The following BCL2L14 variants were observed in gnomAD, a reference collection of about 807,000 sequenced individuals.
BCL2L14 encodes the protein apoptosis facilitator Bcl-2-like protein 14.
Under a neutral mutation model 35.3 loss-of-function variants are expected in BCL2L14, and 27 were observed. The ratio of observed to expected loss-of-function variants is 0.76; its 90% CI spans 0.56 to 1.05. The LOEUF is 1.05. Among genes scored for constraint, BCL2L14 ranks in the 50% least tolerant of loss-of-function variants. The pLI, the probability that BCL2L14 is intolerant of heterozygous loss-of-function variation, is 0.00. For missense variants in BCL2L14, 377 were observed against 382.6 expected (o/e 0.99, Z 0.12); for synonymous variants, 139 against 145.9 (o/e 0.95, Z 0.34).
intron 2 of BCL2L14, among the ~76,000 whole-genome samples, chr12:12,083,298 A>G (rs962489035): frequency 1.3e-5 from 2 of 152,116 alleles, no homozygotes; most frequent in African/African-American, 4.8e-5. Flanking sequence ...GTCACTATGT[A>G]GCCTTGTACA....
Position 12,079,350 on chromosome 12 carries a change from T to C in BCL2L14, c.45T>C (p.Asp15=), listed in dbSNP as rs1448107992. The C allele has an allele frequency of 3.1e-6, 5 of 1,614,024 alleles. No homozygotes were observed. The African/African-American group carries it at 5.3e-5, about 17-fold the overall frequency. The change falls in exon 2 of 6, where the codon GAT becomes GAC. Residue 15 remains aspartate, a synonymous_variant. Coordinates refer to ENST00000308721, the MANE Select transcript of BCL2L14 (RefSeq NM_138723.2). ...GTGACCTGGAAGAAATCCCCCTAGA[T>C]GATGATGACCTAAACACCATAGAAT... The part of the protein sequence containing the change: ...SGCDLEEIPL[D]DDDLNTIEFK...
chr12:12,074,437 CTTTTT>C (rs1220498158), intron 1 of BCL2L14, among the ~76,000 whole-genome samples: 2 of 152,014 alleles, frequency 1.3e-5, no homozygotes, highest in Non-Finnish European at 2.9e-5. Context: ...GTACCTTTTT[CTTTTT>C]TTCTTTTTAT....
intron 2 of BCL2L14, among the ~76,000 whole-genome samples, chr12:12,062,906 T>C (rs945409363): frequency 2.1e-4 from 32 of 152,190 alleles, no homozygotes; most frequent in Non-Finnish European, 4.4e-4. Flanking sequence ...AGACTAAAGG[T>C]CTTTTAAAAA....
At chr12:12,079,995 G>A (rs1007569235) in intron 2 of BCL2L14, among the ~76,000 whole-genome samples, 1 of 152,156 alleles carries the variant, frequency 6.6e-6, no homozygotes, top group Non-Finnish European at 1.5e-5. Context: ...ATGAGGTCAG[G>A]AGATTGAGAC....
At chr12:12,080,913 G>A (rs997344389) in intron 2 of BCL2L14, among the ~76,000 whole-genome samples, 5 of 152,318 alleles carry the variant, frequency 3.3e-5, no homozygotes, top group Middle Eastern at 3.4e-3. Context: ...ACCAGGCACT[G>A]AGGCTCATAC....
rs1949377771 is a variant in BCL2L14, at chr12:12,099,133, A to G, written c.*145A>G. 1.6e-6 allele frequency: 1 copy of G among 644,914 alleles called. No homozygotes were observed. The highest frequency in any genetic ancestry group is 2.8e-6 in the Non-Finnish European group (1 of 358,486). 39.9% of individuals were successfully genotyped at this position (644,914 alleles called of 1,614,324 possible). ...CCATTATTCCTGTGACTGGAGAGGC[A>G]TCAGGAGAGGTCTCGTTCGTCTCCA... On this transcript the variant is annotated 3_prime_UTR_variant, in exon 6 of 6. Transcript: ENST00000308721.
At chr12:12,056,762 G>A (rs1948438458) in intron 2 of BCL2L14, among the ~76,000 whole-genome samples, 1 of 152,194 alleles carries the variant, frequency 6.6e-6, no homozygotes, top group Non-Finnish European at 1.5e-5. Context: ...AAACCTGGAA[G>A]GCCTCGGAGG....
intron 1 of BCL2L14, among the ~76,000 whole-genome samples, chr12:12,050,738 A>G (rs2136702534): frequency 6.7e-6 from 1 of 149,412 alleles, no homozygotes; most frequent in South Asian, 2.1e-4. Context: ...CCACACTGGA[A>G]GAAGAATTGT....
intron 1 of BCL2L14, among the ~76,000 whole-genome samples, chr12:12,051,206 T>A (rs34719188): frequency 0.37 from 56,200 of 151,950 alleles, 12,044 homozygotes; most frequent in Middle Eastern, 0.51. Flanking sequence ...TTTCGTGAGT[T>A]CAGCTTCTTG....
At chr12:12,069,711 A>G (rs1384563095), upstream of BCL2L14, among the ~76,000 whole-genome samples, 1 of 150,350 alleles carries the variant, frequency 6.7e-6, no homozygotes, top group Non-Finnish European at 1.5e-5. Flanking sequence ...CCGTCTCAAA[A>G]AAAAAAAAAA....
intron 2 of BCL2L14, among the ~76,000 whole-genome samples, chr12:12,062,888 A>T (rs1261532279): frequency 2.0e-5 from 3 of 152,226 alleles, no homozygotes; most frequent in African/African-American, 7.2e-5. Context: ...CTTCAGGAAA[A>T]GTAGAACAGA....
At chr12:12,092,369 T>C (rs187546839) in intron 4 of BCL2L14, among the ~76,000 whole-genome samples, 260 of 152,352 alleles carry the variant, frequency 1.7e-3, no homozygotes, top group African/African-American at 4.6e-3. Flanking sequence ...GTTATTTCCT[T>C]TACATGCTTC....
chr12:12,066,361 G>A (rs996987233), upstream of BCL2L14, among the ~76,000 whole-genome samples: 1 of 152,180 alleles, frequency 6.6e-6, no homozygotes, highest in Non-Finnish European at 1.5e-5. Flanking sequence ...GTAATCTGGT[G>A]TCCACTCTAA....
intron 2 of BCL2L14, among the ~76,000 whole-genome samples, chr12:12,063,456 T>G (rs917861112): frequency 3.4e-5 from 5 of 148,480 alleles, no homozygotes; most frequent in African/African-American, 1.2e-4. Flanking sequence ...TAATTCTAAA[T>G]GACAAATGTT....
chr12:12,096,513 A>G (rs903961119), intron 5 of BCL2L14, among the ~76,000 whole-genome samples: 4 of 152,086 alleles, frequency 2.6e-5, no homozygotes, highest in African/African-American at 7.2e-5. Context: ...ATCTAAATAC[A>G]TAATGAACTA....
At chr12:12,066,719 T>TTA (rs1565448901), upstream of BCL2L14, among the ~76,000 whole-genome samples, 2 of 149,444 alleles carry the variant, frequency 1.3e-5, no homozygotes, top group Non-Finnish European at 1.5e-5. Flanking sequence ...ATTATTATTT[T>TTA]TTTTTTTTTT....
At chr12:12,096,380 T>G (rs934816397) in intron 5 of BCL2L14, among the ~76,000 whole-genome samples, 19 of 138,142 alleles carry the variant, frequency 1.4e-4, no homozygotes, top group Non-Finnish European at 3.1e-5. Flanking sequence ...AAAGAAAGAA[T>G]AGATACATTG....
chr12:12,066,722 T>TA (rs1355790228), upstream of BCL2L14, among the ~76,000 whole-genome samples: 60 of 150,310 alleles, frequency 4.0e-4, no homozygotes, highest in African/African-American at 1.2e-3. Context: ...ATTATTTTTT[T>TA]TTTTTTTTTT....
intron 1 of BCL2L14, among the ~76,000 whole-genome samples, chr12:12,051,274 A>G (rs1323647739): frequency 6.6e-6 from 1 of 152,254 alleles, no homozygotes; most frequent in African/African-American, 2.4e-5. Context: ...TCTACTGGGC[A>G]GTGCTAGGCC....
Sources: gnomAD v4.1 joint callset for allele counts (sites outside exome capture counted in the v4.1 genomes callset) on GRCh38, gnomAD v4.1.1 for gene constraint, MANE v1.5 for transcripts, NCBI Gene and HGNC (gene_info 2026-07-23, HGNC 2026-07-21) for gene names.